The following VPS39 variants were observed in gnomAD, a reference collection of about 807,000 sequenced individuals.
VPS39 encodes VPS39 subunit of HOPS complex, also known as vam6/Vps39-like protein.
VPS39 carries 70 observed loss-of-function variants against 121.0 expected under a neutral mutation model. The observed-to-expected ratio is 0.58, with a 90% CI of 0.48 to 0.71. VPS39 has a LOEUF of 0.71. VPS39 is among the 30% of genes least tolerant of loss of function. The pLI is 0.00. For synonymous variants in VPS39, 378 were observed against 398.1 expected, an observed-to-expected ratio of 0.95 and a Z score of 0.60; for missense variants, 818 against 1,051.5, an observed-to-expected ratio of 0.78 and a Z score of 3.07.
intron 1 of VPS39, among the ~76,000 whole-genome samples, chr15:42,206,756 G>A (rs893711035): frequency 1.3e-5 from 2 of 152,180 alleles, no homozygotes; most frequent in Non-Finnish European, 2.9e-5. Context: ...CACAGGCACT[G>A]TTTCTTATTC....
intron 2 of VPS39, 26 bp from the exon 3 acceptor site, chr15:42,191,586 A>C: frequency 1.2e-6 from 2 of 1,601,748 alleles, no homozygotes; most frequent in Non-Finnish European, 1.7e-6. Flanking sequence ...AAACACTGGT[A>C]GTTCCAAATA....
chr15:42,160,767 G>A lies in VPS39; in HGVS notation c.2615C>T (p.Pro872Leu). The A allele has an allele frequency of 1.2e-6, 2 of 1,614,116 alleles. No homozygotes were observed. Among genetic ancestry groups the A allele is most frequent in the Non-Finnish European group, 1.7e-6 (2 of 1,179,956 alleles). Residue 872 changes from proline (P) to leucine (L), a missense_variant, in exon 25 of 25, where the codon CCA becomes CTA. Pro to Leu is a moderately conservative substitution (Grantham distance 98). Transcript: ENST00000318006. Reference protein sequence around the residue: ...VHYFCSKEVNPADT With the variant: ...VHYFCSKEVNLADT ...AGGATGCTGGGCTCAAGTGTCAGCT[G>A]GGTTTACCTCTTTGGAACAGAAGTA...
At chr15:42,164,616 C>A in intron 18 of VPS39, 130 bp from the exon 19 acceptor site, 1 of 1,452,764 alleles carries the variant, frequency 6.9e-7, no homozygotes, top group Non-Finnish European at 9.0e-7. Context: ...GGGTGGCTTC[C>A]ATGCTAACTT....
rs766392072 is a variant in VPS39, at chr15:42,187,358, G to C, written c.447C>G (p.Asp149Glu). ...KDREFHELQG[D>E]FSVPDVPKSM... ...ACTTGGGCACATCTGGCACACTAAA[G>C]TCCCCCTGAAAAAAGAGAGCAAGGA... The change falls in exon 7 of 25, where the codon GAC (aspartate) becomes GAG (glutamate). Residue 149 changes from aspartate (D) to glutamate (E), a missense_variant. By Grantham distance (45) the Asp-to-Glu change is conservative. Coordinates refer to ENST00000318006, the MANE Select transcript of VPS39 (RefSeq NM_015289.5). 1 of 1,602,204 alleles carries C rather than the reference G, an allele frequency of 6.2e-7. No individual in the cohort carries two copies. Among genetic ancestry groups the C allele is most frequent in the Admixed American group, 1.8e-5 (1 of 56,112 alleles).
chr15:42,166,107 C>T, intron 16 of VPS39, 52 bp downstream of exon 16: 1 of 1,538,010 alleles, frequency 6.5e-7, no homozygotes, highest in East Asian at 2.2e-5. Context: ...GTCTCAAGTG[C>T]AATCAGAACC....
At chr15:42,189,048 G>A in intron 5 of VPS39, 66 bp downstream of exon 5, 1 of 1,115,700 alleles carries the variant, frequency 9.0e-7, no homozygotes, top group Non-Finnish European at 1.4e-6. Context: ...TCTAATGGTA[G>A]GAATGATGTA....
At chr15:42,189,052 T>C in intron 5 of VPS39, 62 bp downstream of exon 5, 2 of 1,163,054 alleles carry the variant, frequency 1.7e-6, no homozygotes, top group Non-Finnish European at 2.6e-6. Context: ...ATGGTAGGAA[T>C]GATGTAGGAA....
At chr15:42,199,294 T>C (rs563246773) in intron 2 of VPS39, among the ~76,000 whole-genome samples, 43 of 152,332 alleles carry the variant, frequency 2.8e-4, no homozygotes, top group Non-Finnish European at 1.0e-4. Context: ...TCTACATTAC[T>C]GACAGTCACA....
chr15:42,188,762 G>A (rs1290860077), intron 5 of VPS39, among the ~76,000 whole-genome samples: 1 of 152,098 alleles, frequency 6.6e-6, no homozygotes, highest in East Asian at 1.9e-4. Flanking sequence ...AGGAGTTCGA[G>A]ACTAGCCTGG....
At chr15:42,188,890 C>T (rs1411622831) in intron 5 of VPS39, among the ~76,000 whole-genome samples, 3 of 151,570 alleles carry the variant, frequency 2.0e-5, no homozygotes, top group Non-Finnish European at 2.9e-5. Context: ...CACTTGAGCC[C>T]GAGAGGCAGG....
At chr15:42,180,521 A>G (rs141891242) in intron 8 of VPS39, among the ~76,000 whole-genome samples, 48 of 152,354 alleles carry the variant, frequency 3.2e-4, no homozygotes, top group Admixed American at 9.8e-4. Flanking sequence ...GCAGACTGAC[A>G]AAACCATAAA....
intron 2 of VPS39, among the ~76,000 whole-genome samples, chr15:42,192,941 G>C (rs372726053): frequency 6.6e-6 from 1 of 152,022 alleles, no homozygotes; most frequent in South Asian, 2.1e-4. Flanking sequence ...CACCATGCCC[G>C]GCTAATTTTT....
chr15:42,181,838 T>C (rs1479100421), intron 8 of VPS39, among the ~76,000 whole-genome samples: 4 of 152,100 alleles, frequency 2.6e-5, no homozygotes, highest in African/African-American at 4.8e-5. Flanking sequence ...GCCACCCAAG[T>C]CCTGGGAATA....
In VPS39 at chr15:42,166,153, G is replaced by A. The variant is rs756819523; in HGVS notation, c.1680+6C>T. 6.2e-7 allele frequency: 1 copy of A among 1,613,746 alleles called. No homozygotes were observed. Among genetic ancestry groups the A allele is most frequent in the South Asian group, 1.1e-5 (1 of 91,066 alleles). ...CAGATAAATCCAAGGGACTCCTGTG[G>A]CTCACCTTCAGGCCATCTTCTGGGA... On this transcript the variant is annotated splice_donor_region_variant and intron_variant, in intron 16 of 24. Coordinates refer to ENST00000318006, the MANE Select transcript of VPS39 (RefSeq NM_015289.5).
At chr15:42,174,273 G>A (rs1255700136) in intron 10 of VPS39, among the ~76,000 whole-genome samples, 4 of 151,904 alleles carry the variant, frequency 2.6e-5, no homozygotes, top group African/African-American at 4.8e-5. Flanking sequence ...ATAAAACAAA[G>A]TGTACAAGAC....
In VPS39 at chr15:42,164,428, C is replaced by T. The variant is rs2140836512; in HGVS notation, c.1956G>A (p.Lys652=). ...EEGELGEYRQ[K]LLMFLEISSY... is the part of the protein sequence containing the mutation. ...TGGAAATCTCCAAGAACATGAGGAG[C>T]TTTTGCCGGTATTCTCCCAGCTCAC... The change falls in exon 19 of 25, where the codon AAG becomes AAA. Residue 652 remains lysine, a synonymous_variant. Coordinates refer to ENST00000318006, the MANE Select transcript of VPS39 (RefSeq NM_015289.5). The T allele has an allele frequency of 6.2e-7, 1 of 1,614,156 alleles. No individual in the cohort carries two copies. Among genetic ancestry groups the T allele is most frequent in the Non-Finnish European group, 8.5e-7 (1 of 1,180,000 alleles).
chr15:42,166,065 G>C, intron 16 of VPS39, 94 bp downstream of exon 16: 3 of 1,269,618 alleles, frequency 2.4e-6, no homozygotes, highest in Non-Finnish European at 3.4e-6. Context: ...GAAGACAGAT[G>C]CATGAATCCA....
intron 11 of VPS39, among the ~76,000 whole-genome samples, chr15:42,171,883 G>C (rs1045342775): frequency 6.6e-6 from 1 of 152,028 alleles, no homozygotes; most frequent in Admixed American, 6.5e-5. Flanking sequence ...TTGGTGGTAG[G>C]ATAGCTCTAG....
At chr15:42,184,946 A>G (rs2049669507) in intron 7 of VPS39, among the ~76,000 whole-genome samples, 1 of 152,260 alleles carries the variant, frequency 6.6e-6, no homozygotes, top group Non-Finnish European at 1.5e-5. Context: ...CAGAGCAACT[A>G]GAACTCACAT....
Sources: gnomAD v4.1 joint callset for allele counts (sites outside exome capture counted in the v4.1 genomes callset) on GRCh38, gnomAD v4.1.1 for gene constraint, MANE v1.5 for transcripts, NCBI Gene and HGNC (gene_info 2026-07-23, HGNC 2026-07-21) for gene names.